Variants in EHD3 observed in about 807,000 individuals in gnomAD.
EHD3 encodes the protein EH domain containing 3.
EHD3 carries 17 observed loss-of-function variants against 43.0 expected under a neutral mutation model. The ratio of observed to expected loss-of-function variants is 0.40; its 90% CI spans 0.27 to 0.59. EHD3 has a LOEUF of 0.59. Among genes scored for constraint, EHD3 ranks in the 20% least tolerant of loss-of-function variants. EHD3 has a pLI of 0.49. For synonymous variants in EHD3, 313 were observed against 289.5 expected, an observed-to-expected ratio of 1.08 and a Z score of -0.82; for missense variants, 594 against 705.6, an observed-to-expected ratio of 0.84 and a Z score of 1.79.
At position 31,236,978 on chromosome 2, in the gene EHD3, G is replaced by A. The variant is rs184542251; in HGVS notation, c.227+2130G>A. Among the ~76,000 whole-genome samples the A allele has an allele frequency of 3.4e-3, 523 of 152,284 alleles. 3 individuals carry two copies. The highest frequency in any genetic ancestry group is 0.012 in the African/African-American group (496 of 41,554). On this transcript the variant is annotated intron_variant, in intron 1 of 5. Coordinates refer to ENST00000322054, the MANE Select transcript of EHD3 (RefSeq NM_014600.3). ...CTCATCTGAGGGAGACAGTAAGACC[G>A]GGAGAGGCAGATCGCTCTTCTTTCT...
chr2:31,234,876 C>T, intron 1 of EHD3, 28 bp downstream of exon 1: 1 of 1,609,854 alleles, frequency 6.2e-7, no homozygotes, highest in Non-Finnish European at 8.5e-7. Context: ...CCTGGCAGCC[C>T]ACCCCGGAGC....
At chr2:31,243,994 A>G (rs1683472939) in intron 1 of EHD3, among the ~76,000 whole-genome samples, 1 of 152,070 alleles carries the variant, frequency 6.6e-6, no homozygotes, top group Admixed American at 6.6e-5. Flanking sequence ...TTTGAGCCCA[A>G]ACCTTGCTCC....
At chr2:31,251,024 G>GC (rs1683624522) in intron 3 of EHD3, among the ~76,000 whole-genome samples, 1 of 152,232 alleles carries the variant, frequency 6.6e-6, no homozygotes, top group African/African-American at 2.4e-5. Context: ...GCCCAGGCCA[G>GC]CACTGCTCAC....
chr2:31,260,653 G>A lies in EHD3; in HGVS notation c.646G>A (p.Val216Met). 1 of 1,614,242 alleles carries A rather than the reference G, an allele frequency of 6.2e-7. No individual in the cohort carries two copies. The highest frequency in any genetic ancestry group is 1.3e-5 in the African/African-American group (1 of 75,060). ...ALKNHEDKMR[V>M]VLNKADQIET... ...CAAGAACCACGAGGACAAGATGCGA[G>A]TGGTGCTGAACAAAGCTGACCAGAT... Residue 216 changes from valine to methionine, a missense_variant, in exon 4 of 6, where the codon GTG becomes ATG. Physicochemically the swap from Val to Met is conservative, Grantham distance 21 (BLOSUM62 1). Transcript: ENST00000322054. This position sits in a 1 kb window ranked among gnomAD's most constrained non-coding sequence, Gnocchi z 4.6.
intron 4 of EHD3, among the ~76,000 whole-genome samples, chr2:31,261,245 G>T (rs1036116681): frequency 6.6e-6 from 1 of 152,188 alleles, no homozygotes; most frequent in Non-Finnish European, 1.5e-5. Flanking sequence ...ACAGTGTCTG[G>T]CACCTTCAGA....
intron 3 of EHD3, among the ~76,000 whole-genome samples, 186 bp downstream of exon 3, chr2:31,249,654 G>A (rs1315149390): frequency 6.6e-6 from 1 of 152,146 alleles, no homozygotes; most frequent in Non-Finnish European, 1.5e-5. Flanking sequence ...GGTCGGGAGA[G>A]GGGAATTCAG....
At chr2:31,245,553 A>ATATTTT (rs1446415610) in intron 2 of EHD3, among the ~76,000 whole-genome samples, 7 of 35,052 alleles carry the variant, frequency 2.0e-4, no homozygotes, top group African/African-American at 4.5e-4. Context: ...ATATATATAT[A>ATATTTT]TTTTTTTTTT....
At position 31,260,125 on chromosome 2, in the gene EHD3, C is replaced by G. The variant is rs952934188; in HGVS notation, c.503-385C>G. Reference sequence around the variant, plus strand: ...CTGAGGCAGGAAAATCACTTGACCCCAGGAGGCAGAGGTTGCAGTGAGCAG... The same window carrying G: ...CTGAGGCAGGAAAATCACTTGACCCGAGGAGGCAGAGGTTGCAGTGAGCAG... On this transcript the variant is annotated intron_variant, in intron 3 of 5. Transcript: ENST00000322054. The surrounding 1 kb of genome is among the most constrained non-coding windows in gnomAD (Gnocchi z 4.6). 6.6e-6 allele frequency among the ~76,000 whole-genome samples: 1 copy of G among 152,038 alleles called. No homozygotes were observed. Among genetic ancestry groups the G allele is most frequent in the South Asian group, 2.1e-4 (1 of 4,816 alleles).
chr2:31,266,594 G>A lies in EHD3; in HGVS notation c.1498G>A (p.Glu500Lys). 6.2e-7 allele frequency: 1 copy of A among 1,614,172 alleles called. No individual in the cohort carries two copies. Among genetic ancestry groups the A allele is most frequent in the Non-Finnish European group, 8.5e-7 (1 of 1,180,044 alleles). Residue 500 changes from glutamate (E) to lysine (K), a missense_variant, in exon 6 of 6, where the codon GAG (glutamate) becomes AAG (lysine). Physicochemically the swap from Glu to Lys is moderately conservative, Grantham distance 56. Transcript: ENST00000322054. This position sits in a 1 kb window ranked among gnomAD's most constrained non-coding sequence, Gnocchi z 5.1. ...IDKDGMLDDD[E>K]FALANHLIKV... ...CAAGGATGGCATGCTGGACGACGAC[G>A]AGTTTGCACTGGCCAACCACCTCAT...
chr2:31,242,081 G>A (rs936752430), intron 1 of EHD3, among the ~76,000 whole-genome samples: 5 of 152,060 alleles, frequency 3.3e-5, no homozygotes, highest in South Asian at 2.1e-4. Flanking sequence ...GCTGGCTGCC[G>A]AGGCTCCTCC....
At chr2:31,265,120 T>C (rs577631555) in intron 5 of EHD3, among the ~76,000 whole-genome samples, 1 of 152,296 alleles carries the variant, frequency 6.6e-6, no homozygotes, top group South Asian at 2.1e-4. Context: ...TCTCCTGTAA[T>C]AACAATGCCT....
intron 1 of EHD3, among the ~76,000 whole-genome samples, chr2:31,241,705 C>T (rs1231623959): frequency 3.3e-5 from 5 of 152,118 alleles, no homozygotes; most frequent in African/African-American, 1.2e-4. Context: ...ACTGAGGTTC[C>T]CTGAGTTAAG....
chr2:31,249,468 G>C lies in EHD3; in HGVS notation c.502G>C (p.Gly168Arg), dbSNP rs773647068. The change falls in exon 3 of 6, where the codon GGG (glycine) becomes CGG (arginine). Residue 168 changes from glycine (G) to arginine (R), a missense_variant and splice_region_variant. Gly to Arg is a moderately radical substitution (Grantham distance 125). Around this residue, in one of 3 missense-constraint regions of EHD3, gnomAD observed 243 missense variants for 296.7 expected, o/e 0.82. Coordinates refer to ENST00000322054, the MANE Select transcript of EHD3 (RefSeq NM_014600.3). ...LSGEKQRISR[G>R]YDFAAVLEWF... The stretch of plus-strand genomic sequence containing the variant: ...TGGGGAGAAGCAGAGGATCAGCCGG[G>C]GTAAGCAACCTGCCTGAGGGGTGTT... 1 of 1,614,040 alleles carries C rather than the reference G, an allele frequency of 6.2e-7. No individual in the cohort carries two copies. The highest frequency in any genetic ancestry group is 8.5e-7 in the Non-Finnish European group (1 of 1,179,950).
At chr2:31,253,031 T>G (rs2148720206) in intron 3 of EHD3, among the ~76,000 whole-genome samples, 1 of 152,022 alleles carries the variant, frequency 6.6e-6, no homozygotes, top group South Asian at 2.1e-4. Context: ...CCCAAACGAG[T>G]AAAGTTTCCA....
In EHD3 at chr2:31,266,106, G is replaced by C; in HGVS notation, c.1081-71G>C. The C allele has an allele frequency of 6.6e-7, 1 of 1,525,634 alleles. No homozygotes were observed. Among genetic ancestry groups the C allele is most frequent in the East Asian group, 2.3e-5 (1 of 44,060 alleles). The allele number at this position is 1,525,634 out of a possible 1,614,324, so 94.5% of individuals were successfully genotyped here. A position where few individuals can be genotyped will look rare whatever the true frequency, so the allele number is the denominator to read the frequency against. ...GCTGTGAACATTCTGGTGCTCATAG[G>C]AGGCACGTGATAAATGGAGGGCTCT... On this transcript the variant is annotated intron_variant, in intron 5 of 5. Coordinates refer to ENST00000322054, the MANE Select transcript of EHD3 (RefSeq NM_014600.3). The surrounding 1 kb of genome is among the most constrained non-coding windows in gnomAD (Gnocchi z 5.1).
At chr2:31,252,986 G>A (rs955322752) in intron 3 of EHD3, among the ~76,000 whole-genome samples, 1 of 152,148 alleles carries the variant, frequency 6.6e-6, no homozygotes, top group African/African-American at 2.4e-5. Context: ...ACAGTTGGGG[G>A]AAGGGCGTCA....
In EHD3 at chr2:31,234,395, C is replaced by T; in HGVS notation, c.-227C>T. On this transcript the variant is annotated 5_prime_UTR_variant, in exon 1 of 6. Transcript: ENST00000322054. ...CAAGCCCAGATTATTTATCCTCCCT[C>T]CGGCCTGGGCTGCTGGATGCAGCAG... 1.8e-6 allele frequency: 1 copy of T among 566,804 alleles called. No individual in the cohort carries two copies. The highest frequency in any genetic ancestry group is 3.1e-6 in the Non-Finnish European group (1 of 318,280). 35.1% of individuals were successfully genotyped at this position (566,804 alleles called of 1,614,324 possible).
rs757561609 is a variant in EHD3 at position 31,260,679 on chromosome 2, C to A, written c.672C>A (p.Ile224=). 2.5e-6 allele frequency: 4 copies of A among 1,614,206 alleles called. No individual in the cohort carries two copies. The highest frequency in any genetic ancestry group is 1.7e-5 in the Admixed American group (1 of 60,020). The change falls in exon 4 of 6, where the codon ATC becomes ATA. Residue 224 remains isoleucine (I), a synonymous_variant. Transcript: ENST00000322054. This position sits in a 1 kb window ranked among gnomAD's most constrained non-coding sequence, Gnocchi z 4.6. ...TGGTGCTGAACAAAGCTGACCAGAT[C>A]GAGACGCAGCAGCTGATGCGGGTGT... ...MRVVLNKADQ[I]ETQQLMRVYG...
Position 31,260,593 on chromosome 2 carries a change from A to G in EHD3, c.586A>G (p.Ile196Val), listed in dbSNP as rs1387613608. The change falls in exon 4 of 6, where the codon ATC (isoleucine) becomes GTC (valine). Residue 196 changes from isoleucine to valine, a missense_variant. This residue lies in a region of EHD3 where 243 missense variants were observed against 296.7 expected (regional missense o/e 0.82). Transcript: ENST00000322054. The surrounding 1 kb of genome is among the most constrained non-coding windows in gnomAD (Gnocchi z 4.6). ...GCTCTTCGATGCCCACAAACTGGACATCTCTGATGAGTTCTCAGAAGTCAT... is the reference window on the plus strand; with the variant it reads ...GCTCTTCGATGCCCACAAACTGGACGTCTCTGATGAGTTCTCAGAAGTCAT... ...ILLFDAHKLD[I>V]SDEFSEVIKA... 13 of 1,614,050 alleles carry G rather than the reference A, an allele frequency of 8.1e-6. No homozygotes were observed. Among genetic ancestry groups the G allele is most frequent in the Non-Finnish European group, 1.1e-5 (13 of 1,180,032 alleles).
Sources: gnomAD v4.1 joint callset for allele counts (sites outside exome capture counted in the v4.1 genomes callset) on GRCh38, gnomAD v4.1.1 for gene constraint, gnomAD v4.1.1 regional missense constraint, Gnocchi (gnomAD v3.1) non-coding constraint, MANE v1.5 for transcripts, NCBI Gene and HGNC (gene_info 2026-07-23, HGNC 2026-07-21) for gene names.